Variants in DMAC2L observed in about 807,000 individuals in gnomAD.
The protein encoded by DMAC2L is distal membrane arm assembly component 2 like.
A neutral mutation model predicts 22.5 loss-of-function variants in DMAC2L; 21 were observed. That is an observed-to-expected ratio of 0.93 (90% CI 0.66 to 1.34). DMAC2L has a LOEUF of 1.34. Ranked by LOEUF, DMAC2L falls within the 40% of genes most tolerant of loss-of-function variation. The probability of loss-of-function intolerance (pLI) is 0.00; values close to 1 mark genes in which losing one functional copy is unlikely to be tolerated. For missense variants in DMAC2L, 239 were observed against 246.5 expected (o/e 0.97, Z 0.20); for synonymous variants, 86 against 89.5 (o/e 0.96, Z 0.22).
At position 50,325,591 on chromosome 14, in the gene DMAC2L, T is replaced by G. The variant is rs2032661849; in HGVS notation, c.489-18T>G. Reference sequence around the variant, plus strand: ...ATGCTCTTGGCCAAATTGAAGTGACTTTTTTCTTTATTTGCAGAAACCTCA... The same window carrying G: ...ATGCTCTTGGCCAAATTGAAGTGACGTTTTTCTTTATTTGCAGAAACCTCA... On this transcript the variant is annotated intron_variant, in intron 5 of 5. Coordinates refer to ENST00000557421, the MANE Select transcript of DMAC2L (RefSeq NM_001382507.1). 2 of 1,588,324 alleles carry G rather than the reference T, an allele frequency of 1.3e-6. No homozygotes were observed. Among genetic ancestry groups the G allele is most frequent in the Non-Finnish European group, 1.7e-6 (2 of 1,164,344 alleles).
At chr14:50,315,843 A>G (rs147214611) in intron 2 of DMAC2L, among the ~76,000 whole-genome samples, 100 of 152,118 alleles carry the variant, frequency 6.6e-4, no homozygotes, top group Admixed American at 1.1e-3. Flanking sequence ...ATTTTTTGCA[A>G]TTGCAAATTG....
At chr14:50,311,904 G>A, upstream of DMAC2L, 1 of 1,459,628 alleles carries the variant, frequency 6.9e-7, no homozygotes, top group Non-Finnish European at 9.2e-7. Flanking sequence ...ACCCCAACCT[G>A]CTCTCACCCC....
At chr14:50,312,707 A>G (rs967359392) in intron 1 of DMAC2L, 10 of 297,644 alleles carry the variant, frequency 3.4e-5, no homozygotes, top group Non-Finnish European at 5.0e-5. Context: ...GGGCCTGGGC[A>G]CCCACCGTCT....
chr14:50,313,489 G>C (rs1337199102), intron 1 of DMAC2L, among the ~76,000 whole-genome samples: 2 of 152,172 alleles, frequency 1.3e-5, no homozygotes. Context: ...TTTACCACCA[G>C]AACAGTGGTA....
In DMAC2L at chr14:50,324,123, G is replaced by T; in HGVS notation, c.488+7G>T. On this transcript the variant is annotated splice_region_variant and intron_variant, in intron 5 of 5. Coordinates refer to ENST00000557421, the MANE Select transcript of DMAC2L (RefSeq NM_001382507.1). Reference sequence around the variant, plus strand: ...TTGCTTTGCGTCATTTAAGGTAGATGATCAAAGCCAAAGTGGAAACTTGAT... The same window carrying T: ...TTGCTTTGCGTCATTTAAGGTAGATTATCAAAGCCAAAGTGGAAACTTGAT... 2 of 1,598,576 alleles carry T rather than the reference G, an allele frequency of 1.3e-6. No homozygotes were observed. The highest frequency in any genetic ancestry group is 2.3e-5 in the South Asian group (2 of 88,464).
At position 50,322,578 on chromosome 14, in the gene DMAC2L, G is replaced by A. The variant is rs766870383; in HGVS notation, c.175G>A (p.Gly59Arg). Reference protein sequence around the residue: ...RAASEWLLRCGAMVRYHGQER... With the variant: ...RAASEWLLRCRAMVRYHGQER... ...GGCATCCGAGTGGTTGCTGCGCTGT[G>A]GGGCCATGGTGCGCTACCATGGCCA... The change falls in exon 4 of 6, where the codon GGG (glycine) becomes AGG (arginine). Residue 59 changes from glycine (G) to arginine (R), a missense_variant. By Grantham distance (125) the Gly-to-Arg change is moderately radical. Coordinates refer to ENST00000557421, the MANE Select transcript of DMAC2L (RefSeq NM_001382507.1). 1.9e-6 allele frequency: 3 copies of A among 1,614,128 alleles called. No individual in the cohort carries two copies. The highest frequency in any genetic ancestry group is 2.2e-5 in the East Asian group (1 of 44,884).
chr14:50,315,702 C>A (rs2031735189), intron 2 of DMAC2L, among the ~76,000 whole-genome samples: 1 of 148,648 alleles, frequency 6.7e-6, no homozygotes, highest in Admixed American at 6.7e-5. Flanking sequence ...GTAATAAATT[C>A]CAATCCTATT....
rs3072790 is a variant in DMAC2L, at chr14:50,320,275, A to ATTTTTATT, written c.-5-1203_-5-1202insATTTTTTT. ...TGCCTGGCTAATTTTTTATTTTTTT[A>ATTTTTATT]TTTTTTGGTATTTTTAGTAGAGACA... is the stretch of plus-strand genomic sequence containing the variant. On this transcript the variant is annotated intron_variant, in intron 2 of 5. Coordinates refer to ENST00000557421, the MANE Select transcript of DMAC2L (RefSeq NM_001382507.1). 6.4e-3 allele frequency among the ~76,000 whole-genome samples: 961 copies of ATTTTTATT among 151,020 alleles called. 11 individuals are homozygous for ATTTTTATT. Among genetic ancestry groups the ATTTTTATT allele is most frequent in the African/African-American group, 0.021 (879 of 41,096 alleles).
chr14:50,313,167 A>T, intron 1 of DMAC2L: 2 of 934,526 alleles, frequency 2.1e-6, no homozygotes, highest in Non-Finnish European at 3.4e-6. Context: ...TGTTGCTAAC[A>T]CTCATTCTGT....
In DMAC2L at chr14:50,312,423, G is replaced by T. The variant is rs1438765155; in HGVS notation, c.-42+34G>T. 13 of 544,342 alleles carry T rather than the reference G, an allele frequency of 2.4e-5. No homozygotes were observed. The Admixed American group carries it at 3.5e-4, about 14-fold the overall frequency. 33.7% of individuals were successfully genotyped at this position (544,342 alleles called of 1,614,324 possible). A position where few individuals can be genotyped will look rare whatever the true frequency, so the allele number is the denominator to read the frequency against. On this transcript the variant is annotated intron_variant, in intron 1 of 5. Transcript: ENST00000557421. ...AGAAGCTAGGCCCCGAGCCGGGCGG[G>T]ACTAGGGTGGTGGTTGTGTTCTGCC... is the stretch of plus-strand genomic sequence containing the variant.
intron 2 of DMAC2L, among the ~76,000 whole-genome samples, chr14:50,315,688 AAG>A (rs1491261365): frequency 7.8e-6 from 1 of 128,700 alleles, no homozygotes; most frequent in Non-Finnish European, 1.7e-5. Context: ...AAAAAAAAAA[AAG>A]AGTAATAAAT....
Position 50,314,626 on chromosome 14 carries a change from G to T in DMAC2L, c.-6G>T, listed in dbSNP as rs117477227. 3,414 of 454,780 alleles carry T rather than the reference G, an allele frequency of 7.5e-3. 19 individuals carry two copies. Among genetic ancestry groups the T allele is most frequent in the Non-Finnish European group, 0.011 (2,519 of 226,760 alleles). The allele number at this position is 454,780 out of a possible 1,614,324, so 28.2% of individuals were successfully genotyped here. On this transcript the variant is annotated splice_region_variant and 5_prime_UTR_variant, in exon 2 of 6. It removes an upstream start codon present in the reference 5' UTR. Coordinates refer to ENST00000557421, the MANE Select transcript of DMAC2L (RefSeq NM_001382507.1). ...CAAGAGTACAATTGCTGGGTCATAT[G>T]GTAAGTGCATGTTTATTTTTTATTT...
intron 2 of DMAC2L, among the ~76,000 whole-genome samples, chr14:50,317,466 G>A (rs2031902051): frequency 1.3e-5 from 2 of 152,072 alleles, no homozygotes; most frequent in African/African-American, 4.8e-5. Context: ...GTACTATGTT[G>A]AATAGAAGTG....
At chr14:50,312,210 G>T, upstream of DMAC2L, 12 of 1,590,902 alleles carry the variant, frequency 7.5e-6, no homozygotes, top group East Asian at 2.3e-5. Context: ...CTCCACGGCC[G>T]AGGACCCGCG....
intron 2 of DMAC2L, among the ~76,000 whole-genome samples, chr14:50,315,135 T>C (rs1232153243): frequency 6.6e-6 from 1 of 151,646 alleles, no homozygotes; most frequent in East Asian, 2.0e-4. Flanking sequence ...CCCGGCTAAT[T>C]TTTTATATTT....
chr14:50,312,348 CG>C lies in DMAC2L; in HGVS notation c.-79del, dbSNP rs376821540. 66 of 709,060 alleles carry C rather than the reference CG, an allele frequency of 9.3e-5. No homozygotes were observed. In the East Asian group the frequency reaches 1.4e-3, roughly 15 times the overall value. The allele number at this position is 709,060 out of a possible 1,614,324, so 43.9% of individuals were successfully genotyped here. On this transcript the variant is annotated 5_prime_UTR_variant, in exon 1 of 6. Coordinates refer to ENST00000557421, the MANE Select transcript of DMAC2L (RefSeq NM_001382507.1). ...AGGGCCGGCCAGGGTGCCGCAGACG[CG>C]GGGACGCTGGCTCGCTCCCTCCCTC... is the stretch of plus-strand genomic sequence containing the variant.
rs1313352149 is a variant in DMAC2L, at chr14:50,312,390, G to T, written c.-42+1G>T. ...TCCCTCCCTCCCTCCCTCCGACGCT[G>T]TGAGTAGAGAAGCTAGGCCCCGAGC... On this transcript the variant is annotated splice_donor_variant, in intron 1 of 5. Coordinates refer to ENST00000557421, the MANE Select transcript of DMAC2L (RefSeq NM_001382507.1). LOFTEE classifies it low-confidence loss of function (5UTR_SPLICE). 1 of 578,816 alleles carries T rather than the reference G, an allele frequency of 1.7e-6. No individual in the cohort carries two copies. Among genetic ancestry groups the T allele is most frequent in the Non-Finnish European group, 3.1e-6 (1 of 325,756 alleles). The allele number at this position is 578,816 out of a possible 1,614,324, so 35.9% of individuals were successfully genotyped here. A position where few individuals can be genotyped will look rare whatever the true frequency, so the allele number is the denominator to read the frequency against.
intron 2 of DMAC2L, among the ~76,000 whole-genome samples, chr14:50,318,341 C>G (rs1179929497): frequency 6.6e-6 from 1 of 152,142 alleles, no homozygotes; most frequent in East Asian, 1.9e-4. Context: ...CCTCTATTGC[C>G]AAATATAAAT....
At position 50,323,065 on chromosome 14, in the gene DMAC2L, G is replaced by C. The variant is rs886673660; in HGVS notation, c.316+346G>C. 3.1e-6 allele frequency: 3 copies of C among 975,990 alleles called. No individual in the cohort carries two copies. In the African/African-American group the frequency reaches 5.3e-5, roughly 17 times the overall value. The allele number at this position is 975,990 out of a possible 1,614,324, so 60.5% of individuals were successfully genotyped here. On this transcript the variant is annotated intron_variant, in intron 4 of 5. Transcript: ENST00000557421. ...TTATATCCACACAGCTTCTGCTTAC[G>C]TGGGCATTTTTTTTTCTTTCTTTCT... is the stretch of plus-strand genomic sequence containing the variant.
Sources: gnomAD v4.1 joint callset for allele counts (sites outside exome capture counted in the v4.1 genomes callset) on GRCh38, gnomAD v4.1.1 for gene constraint, MANE v1.5 for transcripts, NCBI Gene and HGNC (gene_info 2026-07-23, HGNC 2026-07-21) for gene names.